RARB: variants seen among roughly 807,000 people sequenced by gnomAD.
The protein encoded by RARB is retinoic acid receptor beta, also known as HBV-activated protein.
A neutral mutation model predicts 51.9 loss-of-function variants in RARB; 17 were observed. The ratio of observed to expected loss-of-function variants is 0.33; its 90% CI spans 0.22 to 0.49. The LOEUF (loss-of-function observed/expected upper bound fraction) is 0.49, where lower values mean the gene tolerates loss of function less well. Ranked by LOEUF, RARB falls within the 20% of genes least tolerant of loss-of-function variation. RARB has a pLI of 0.99. For missense variants in RARB, 369 were observed against 550.8 expected (o/e 0.67, Z 3.30); for synonymous variants, 215 against 195.4 (o/e 1.10, Z -0.84).
At chr3:24,907,409 A>T (rs1308223380) in intron 2 of RARB, among the ~76,000 whole-genome samples, 1 of 152,184 alleles carries the variant, frequency 6.6e-6, no homozygotes, top group Non-Finnish European at 1.5e-5. Flanking sequence ...TAGTTACAAG[A>T]TGACTGAGAG....
At chr3:24,874,202 A>T (rs1040253085) in intron 2 of RARB, among the ~76,000 whole-genome samples, 1 of 152,068 alleles carries the variant, frequency 6.6e-6, no homozygotes, top group Non-Finnish European at 1.5e-5. Context: ...CAGAGAATAG[A>T]ACAATATGGT....
chr3:25,418,158 T>C (rs1348375245), intron 5 of RARB, among the ~76,000 whole-genome samples: 3 of 152,184 alleles, frequency 2.0e-5, no homozygotes, highest in African/African-American at 7.2e-5. Flanking sequence ...CTGGGAAATA[T>C]GGTGTCTATC....
chr3:25,120,672 G>T (rs1479575349), intron 3 of RARB, among the ~76,000 whole-genome samples: 3 of 151,856 alleles, frequency 2.0e-5, no homozygotes, highest in Admixed American at 6.6e-5. Context: ...GTCAAAAATG[G>T]ATCTTAATGA....
At chr3:25,326,233 A>T (rs1432100295) in intron 5 of RARB, among the ~76,000 whole-genome samples, 2 of 152,210 alleles carry the variant, frequency 1.3e-5, no homozygotes, top group East Asian at 3.8e-4. Context: ...ATCCAACTGG[A>T]CCTGCTAAAG....
chr3:25,461,435 A>T (rs910245589), intron 2 of RARB, 94 bp downstream of exon 2: 1 of 1,368,936 alleles, frequency 7.3e-7, no homozygotes, highest in African/African-American at 1.4e-5. Context: ...CTGGATGTGT[A>T]ACATCACCTC....
rs150312010 is a variant in RARB, at chr3:25,110,958, A to G, written c.-327-21203A>G. Among the ~76,000 whole-genome samples the G allele has an allele frequency of 2.0e-5, 3 of 152,306 alleles. No individual in the cohort carries two copies. The East Asian group carries it at 5.8e-4, about 29-fold the overall frequency. Reference sequence around the variant, plus strand: ...AGTGTATTTTTACAAATGTGTACAGATCGTGTACATTTTTATGAGTTTGAC... The same window carrying G: ...AGTGTATTTTTACAAATGTGTACAGGTCGTGTACATTTTTATGAGTTTGAC... On this transcript the variant is annotated intron_variant, in intron 3 of 11. Transcript: ENST00000383772.
At chr3:25,333,201 A>C (rs1334428998) in intron 5 of RARB, among the ~76,000 whole-genome samples, 1 of 152,112 alleles carries the variant, frequency 6.6e-6, no homozygotes, top group African/African-American at 2.4e-5. Context: ...GGAACCAAAA[A>C]AGAGCCCGCA....
At chr3:25,162,619 A>G (rs1347059409) in intron 4 of RARB, among the ~76,000 whole-genome samples, 1 of 152,234 alleles carries the variant, frequency 6.6e-6, no homozygotes, top group Non-Finnish European at 1.5e-5. Flanking sequence ...CTACTAATCT[A>G]CTTTCTGTCT....
intron 5 of RARB, among the ~76,000 whole-genome samples, chr3:25,212,001 A>G (rs1559507860): frequency 6.6e-6 from 1 of 152,154 alleles, no homozygotes; most frequent in East Asian, 1.9e-4. Flanking sequence ...AAAGAGATAT[A>G]TTTTACTACC....
intron 2 of RARB, among the ~76,000 whole-genome samples, chr3:24,995,489 G>A (rs1223909943): frequency 1.3e-5 from 2 of 151,970 alleles, no homozygotes; most frequent in East Asian, 1.9e-4. Flanking sequence ...CTCTAGCTAG[G>A]ACTTCCCGTA....
intron 5 of RARB, among the ~76,000 whole-genome samples, chr3:25,243,293 C>G (rs1575249889): frequency 2.0e-5 from 3 of 152,052 alleles, no homozygotes; most frequent in African/African-American, 7.2e-5. Context: ...GTTTGAATAC[C>G]CTTTATTTCT....
intron 3 of RARB, among the ~76,000 whole-genome samples, chr3:25,126,841 C>G (rs62230300): frequency 0.13 from 19,640 of 152,134 alleles, 1,648 homozygotes; most frequent in Non-Finnish European, 0.2. Flanking sequence ...CATGTGTTTT[C>G]TTTTATCTGA....
chr3:25,083,234 C>T (rs956834555), intron 3 of RARB, among the ~76,000 whole-genome samples: 5 of 151,778 alleles, frequency 3.3e-5, no homozygotes, highest in African/African-American at 1.2e-4. Context: ...TTATTTTTTG[C>T]TCAAATATTT....
At chr3:24,923,769 C>T (rs1243314877) in intron 2 of RARB, among the ~76,000 whole-genome samples, 2 of 152,118 alleles carry the variant, frequency 1.3e-5, no homozygotes, top group African/African-American at 4.8e-5. Flanking sequence ...AGTTTAGTAG[C>T]TTATGAAGCT....
chr3:24,988,752 A>G (rs543535612), intron 2 of RARB, among the ~76,000 whole-genome samples: 17 of 152,298 alleles, frequency 1.1e-4, no homozygotes, highest in Non-Finnish European at 2.1e-4. Flanking sequence ...CCTTATAGTG[A>G]TCTGTTATGT....
At chr3:24,851,426 TCAA>T (rs1702554381) in intron 1 of RARB, among the ~76,000 whole-genome samples, 1 of 135,012 alleles carries the variant, frequency 7.4e-6, no homozygotes. Context: ...AGACTTTGTC[TCAA>T]AAAAAAAAAA....
chr3:25,475,240 T>G (rs1417920909), intron 2 of RARB, among the ~76,000 whole-genome samples: 1 of 152,200 alleles, frequency 6.6e-6, no homozygotes, highest in African/African-American at 2.4e-5. Flanking sequence ...ATCTGTCTTA[T>G]TTCTTATGAG....
At chr3:25,229,649 G>A (rs1702131371) in intron 5 of RARB, among the ~76,000 whole-genome samples, 1 of 150,820 alleles carries the variant, frequency 6.6e-6, no homozygotes, top group Admixed American at 6.6e-5. Context: ...TGCTTTGAAT[G>A]GGCACCCTTT....
chr3:25,234,735 C>T (rs1172172220), intron 5 of RARB, among the ~76,000 whole-genome samples: 1 of 152,086 alleles, frequency 6.6e-6, no homozygotes, highest in East Asian at 1.9e-4. Context: ...AACTCTTGTA[C>T]ATTTCAGAGT....
Sources: gnomAD v4.1 joint callset for allele counts (sites outside exome capture counted in the v4.1 genomes callset) on GRCh38, gnomAD v4.1.1 for gene constraint, MANE v1.5 for transcripts, NCBI Gene and HGNC (gene_info 2026-07-23, HGNC 2026-07-21) for gene names.